Variants in ZMAT5 observed in about 807,000 individuals in gnomAD.
ZMAT5 encodes the protein zinc finger matrin-type 5.
A neutral mutation model predicts 28.0 loss-of-function variants in ZMAT5; 23 were observed. The observed-to-expected ratio is 0.82, with a 90% CI of 0.59 to 1.16. The LOEUF (loss-of-function observed/expected upper bound fraction) is 1.16. Among genes scored for constraint, ZMAT5 ranks in the 50% most tolerant of loss-of-function variants. ZMAT5 has a pLI of 0.00. For missense variants in ZMAT5, 173 were observed against 212.7 expected (o/e 0.81, Z 1.16); for synonymous variants, 76 against 84.1 (o/e 0.90, Z 0.52).
In ZMAT5 at chr22:29,748,398, C is replaced by A. The variant is rs1846663364; in HGVS notation, c.127+20G>T. 6.2e-7 allele frequency: 1 copy of A among 1,614,158 alleles called. No homozygotes were observed. Among genetic ancestry groups the A allele is most frequent in the Admixed American group, 1.7e-5 (1 of 60,022 alleles). On this transcript the variant is annotated intron_variant, in intron 2 of 5. Transcript: ENST00000344318. ...GAGAGCAGGGCTCCAGGAGCCTGGC[C>A]CCCAGCCAGCGGCACCCACCTCGGA...
chr22:29,761,133 C>T (rs530317131), intron 1 of ZMAT5, among the ~76,000 whole-genome samples: 9 of 151,610 alleles, frequency 5.9e-5, no homozygotes, highest in South Asian at 2.1e-4. Context: ...ATTAGCTGGG[C>T]GTGGTGGTGC....
chr22:29,763,200 A>G (rs1425540193), intron 1 of ZMAT5, among the ~76,000 whole-genome samples: 1 of 151,354 alleles, frequency 6.6e-6, no homozygotes, highest in East Asian at 1.9e-4. Context: ...GGCTGAGAGA[A>G]CAGAATCACT....
chr22:29,751,201 C>T (rs1337885298), intron 1 of ZMAT5, among the ~76,000 whole-genome samples: 1 of 152,066 alleles, frequency 6.6e-6, no homozygotes, highest in African/African-American at 2.4e-5. Flanking sequence ...GGGTGGTTCT[C>T]TGGGAGACTG....
chr22:29,731,088 T>C lies in ZMAT5; in HGVS notation c.*137A>G, dbSNP rs1192428087. On this transcript the variant is annotated 3_prime_UTR_variant, in exon 6 of 6. Transcript: ENST00000344318. ...CCCAGGACGAGGGCTGCACTTGGTG[T>C]GGCCGTGTCCTGAGCCTCAGTGAGG... The C allele has an allele frequency of 3.2e-6, 3 of 932,286 alleles. No homozygotes were observed. The Admixed American group carries it at 9.3e-5, about 29-fold the overall frequency. 57.8% of individuals were successfully genotyped at this position (932,286 alleles called of 1,614,324 possible).
intron 4 of ZMAT5, 111 bp downstream of exon 4, chr22:29,740,539 T>C: frequency 8.4e-7 from 1 of 1,185,252 alleles, no homozygotes; most frequent in Non-Finnish European, 1.2e-6. Flanking sequence ...TGGGTGGCCC[T>C]TGGTTGCCAA....
chr22:29,731,107 A>G lies in ZMAT5; in HGVS notation c.*118T>C. 1.7e-6 allele frequency: 2 copies of G among 1,171,774 alleles called. No homozygotes were observed. Among genetic ancestry groups the G allele is most frequent in the Non-Finnish European group, 1.1e-6 (1 of 874,862 alleles). 72.6% of individuals were successfully genotyped at this position (1,171,774 alleles called of 1,614,324 possible). ...TTGGTGTGGCCGTGTCCTGAGCCTC[A>G]GTGAGGCTGGGCAGATGGTCTCGGA... On this transcript the variant is annotated 3_prime_UTR_variant, in exon 6 of 6. Coordinates refer to ENST00000344318, the MANE Select transcript of ZMAT5 (RefSeq NM_001003692.2).
chr22:29,760,602 G>C (rs775619546), intron 1 of ZMAT5, among the ~76,000 whole-genome samples: 1 of 152,128 alleles, frequency 6.6e-6, no homozygotes, highest in Non-Finnish European at 1.5e-5. Flanking sequence ...GATCTGGAGG[G>C]GGACCTAGAA....
intron 2 of ZMAT5, among the ~76,000 whole-genome samples, chr22:29,743,380 G>T (rs1016933698): frequency 6.6e-6 from 1 of 151,954 alleles, no homozygotes; most frequent in Non-Finnish European, 1.5e-5. Context: ...CTGTAGCATC[G>T]GCAATCACTC....
rs754249108 is a variant in ZMAT5, at chr22:29,748,571, C to T, written c.-27G>A. ...GCCACTCAGAGCAGGTGCTTTGCTGCCTGGGAAGCCACAAAGAGCTCAGAT... is the reference window on the plus strand; with the variant it reads ...GCCACTCAGAGCAGGTGCTTTGCTGTCTGGGAAGCCACAAAGAGCTCAGAT... On this transcript the variant is annotated splice_region_variant and 5_prime_UTR_variant, in exon 2 of 6. Coordinates refer to ENST00000344318, the MANE Select transcript of ZMAT5 (RefSeq NM_001003692.2). 2 of 1,613,278 alleles carry T rather than the reference C, an allele frequency of 1.2e-6. No individual in the cohort carries two copies. The highest frequency in any genetic ancestry group is 8.5e-7 in the Non-Finnish European group (1 of 1,179,900).
intron 1 of ZMAT5, 116 bp from the exon 2 acceptor site, chr22:29,748,687 GC>G: frequency 7.6e-7 from 1 of 1,317,940 alleles, no homozygotes; most frequent in Non-Finnish European, 1.0e-6. Context: ...TATGCACCCC[GC>G]CCCATTAGGA....
At chr22:29,733,597 G>C (rs781583161) in intron 5 of ZMAT5, among the ~76,000 whole-genome samples, 1 of 152,204 alleles carries the variant, frequency 6.6e-6, no homozygotes, top group Non-Finnish European at 1.5e-5. Context: ...TCCACCAGCC[G>C]CAGAGAAGGC....
intron 3 of ZMAT5, among the ~76,000 whole-genome samples, chr22:29,741,497 G>C (rs1484715117): frequency 6.6e-6 from 1 of 152,180 alleles, no homozygotes; most frequent in Non-Finnish European, 1.5e-5. Flanking sequence ...CTTTGCCATG[G>C]CTGCCAGGAA....
chr22:29,749,831 C>G (rs931232383), intron 1 of ZMAT5, among the ~76,000 whole-genome samples: 2 of 152,152 alleles, frequency 1.3e-5, no homozygotes, highest in Admixed American at 1.3e-4. Context: ...TCGTGCTTTG[C>G]TCAGCACTTC....
intron 2 of ZMAT5, among the ~76,000 whole-genome samples, chr22:29,745,204 G>A (rs1447004540): frequency 1.3e-5 from 2 of 152,202 alleles, no homozygotes; most frequent in African/African-American, 4.8e-5. Context: ...TAGGGGTCGG[G>A]GAGGACGTCC....
intron 3 of ZMAT5, 42 bp downstream of exon 3, chr22:29,742,376 C>T (rs374074065): frequency 1.1e-5 from 17 of 1,599,630 alleles, no homozygotes; most frequent in Admixed American, 1.7e-5. Context: ...GGCTGGATAT[C>T]GCAGGTCCCC....
chr22:29,749,286 C>T (rs539586451), intron 1 of ZMAT5, among the ~76,000 whole-genome samples: 1 of 152,156 alleles, frequency 6.6e-6, no homozygotes, highest in Middle Eastern at 3.4e-3. Flanking sequence ...CGCTATGTTG[C>T]AGAGGCTGGT....
intron 1 of ZMAT5, among the ~76,000 whole-genome samples, chr22:29,764,659 C>T (rs560289532): frequency 3.2e-4 from 48 of 152,236 alleles, no homozygotes; most frequent in Non-Finnish European, 6.2e-4. Flanking sequence ...TACCACCACA[C>T]CTGGCTAATT....
intron 3 of ZMAT5, 90 bp from the exon 4 acceptor site, chr22:29,740,820 G>A: frequency 8.2e-7 from 1 of 1,214,412 alleles, no homozygotes; most frequent in Non-Finnish European, 1.2e-6. Context: ...CAGAATCTTA[G>A]GGGCAGGACT....
chr22:29,766,161 C>G (rs553915211), intron 1 of ZMAT5, among the ~76,000 whole-genome samples: 2 of 152,204 alleles, frequency 1.3e-5, no homozygotes, highest in South Asian at 4.1e-4. Context: ...AAACAAAAAC[C>G]AAAGAAAACA....
Sources: allele counts gnomAD v4.1 joint callset (sites outside exome capture counted in the v4.1 genomes callset), GRCh38; gene constraint gnomAD v4.1.1; transcripts MANE v1.5; gene names NCBI Gene and HGNC (gene_info 2026-07-23, HGNC 2026-07-21).